THSD7B: variants seen among roughly 807,000 people sequenced by gnomAD.
THSD7B encodes the protein thrombospondin type 1 domain containing 7B.
In THSD7B, 138 loss-of-function variants were observed where a neutral mutation model predicts 213.6. The ratio of observed to expected loss-of-function variants is 0.65; its 90% CI spans 0.56 to 0.74. THSD7B has a LOEUF of 0.74. Among genes scored for constraint, THSD7B ranks in the 30% least tolerant of loss-of-function variants. THSD7B has a pLI of 0.00. For missense variants in THSD7B, 1,931 were observed against 1,991.5 expected (o/e 0.97, Z 0.58); for synonymous variants, 742 against 687.0 (o/e 1.08, Z -1.25).
intron 1 of THSD7B, among the ~76,000 whole-genome samples, chr2:136,844,462 C>CATAGAGAGAGAG (rs1682968400): frequency 7.0e-6 from 1 of 142,518 alleles, no homozygotes; most frequent in Non-Finnish European, 1.5e-5. Flanking sequence ...CCACCCAAAA[C>CATAGAGAGAGAG]AGAGAGAGAG....
At chr2:136,953,017 G>GA (rs979941437) in intron 2 of THSD7B, among the ~76,000 whole-genome samples, 1 of 151,950 alleles carries the variant, frequency 6.6e-6, no homozygotes, top group Non-Finnish European at 1.5e-5. Flanking sequence ...AATTTCTCAG[G>GA]AAAAAAATGA....
At chr2:137,466,560 C>A (rs556661867) in intron 15 of THSD7B, among the ~76,000 whole-genome samples, 1 of 152,134 alleles carries the variant, frequency 6.6e-6, no homozygotes, top group Non-Finnish European at 1.5e-5. Flanking sequence ...TGGCCCAAGA[C>A]AATTCTTCTT....
chr2:136,963,548 G>A (rs927604519), intron 2 of THSD7B, among the ~76,000 whole-genome samples: 3 of 152,184 alleles, frequency 2.0e-5, no homozygotes, highest in African/African-American at 7.2e-5. Context: ...GGAGGCTGAG[G>A]CAGGAGGATT....
chr2:137,203,995 C>G (rs1680931175), intron 7 of THSD7B, among the ~76,000 whole-genome samples: 2 of 151,912 alleles, frequency 1.3e-5, no homozygotes, highest in African/African-American at 4.8e-5. Context: ...GAAATATATC[C>G]ATAGACAATC....
chr2:137,539,194 A>G (rs1680561948), intron 15 of THSD7B, among the ~76,000 whole-genome samples: 1 of 151,744 alleles, frequency 6.6e-6, no homozygotes, highest in Non-Finnish European at 1.5e-5. Flanking sequence ...CTACTTGTGT[A>G]GTAGACTGGA....
chr2:136,815,178 ACT>A (rs1197256411), intron 1 of THSD7B, among the ~76,000 whole-genome samples: 12 of 152,124 alleles, frequency 7.9e-5, no homozygotes, highest in African/African-American at 2.4e-4. Context: ...GGGAAGTGTA[ACT>A]CTGTTGTTTT....
At chr2:137,173,072 C>T in intron 7 of THSD7B, among the ~76,000 whole-genome samples, 1 of 152,096 alleles carries the variant, frequency 6.6e-6, no homozygotes, top group Non-Finnish European at 1.5e-5. Context: ...TAAAACCTCC[C>T]TCTCACTCTT....
intron 3 of THSD7B, among the ~76,000 whole-genome samples, chr2:137,074,082 T>C (rs141312200): frequency 0.078 from 11,430 of 146,446 alleles, 652 homozygotes; most frequent in African/African-American, 0.15. Flanking sequence ...GTGGAGAGTT[T>C]TGTAAATGTC....
At chr2:137,673,907 G>A (rs763509533) in intron 27 of THSD7B, among the ~76,000 whole-genome samples, 4 of 152,192 alleles carry the variant, frequency 2.6e-5, no homozygotes, top group Admixed American at 6.5e-5. Context: ...CTTGATAAAT[G>A]AGGTCCTAAT....
chr2:136,971,297 G>C (rs953449171), intron 2 of THSD7B, among the ~76,000 whole-genome samples: 19 of 151,486 alleles, frequency 1.3e-4, no homozygotes, highest in Non-Finnish European at 2.4e-4. Context: ...ATGGTATTCT[G>C]AGTACAGCCC....
intron 1 of THSD7B, among the ~76,000 whole-genome samples, chr2:136,873,865 A>C (rs1356093644): frequency 6.6e-6 from 1 of 152,142 alleles, no homozygotes; most frequent in Non-Finnish European, 1.5e-5. Flanking sequence ...AAGGTCGTGC[A>C]CTGCCAGGGT....
chr2:137,165,033 AAAAAG>A (rs975347625), intron 6 of THSD7B, among the ~76,000 whole-genome samples: 1 of 152,200 alleles, frequency 6.6e-6, no homozygotes. Flanking sequence ...TATAATAAAA[AAAAAG>A]AAAGAGTGAA....
chr2:137,386,203 A>G (rs1685889577), intron 12 of THSD7B, among the ~76,000 whole-genome samples: 1 of 152,212 alleles, frequency 6.6e-6, no homozygotes, highest in Non-Finnish European at 1.5e-5. Context: ...TTCCTTCCAG[A>G]AAGGCTCCAC....
At chr2:136,875,142 C>G (rs1383834619) in intron 1 of THSD7B, among the ~76,000 whole-genome samples, 1 of 152,214 alleles carries the variant, frequency 6.6e-6, no homozygotes, top group Non-Finnish European at 1.5e-5. Flanking sequence ...CCATTCTGGG[C>G]TGGGCACAGT....
chr2:136,935,091 G>A (rs1684699173), intron 2 of THSD7B, among the ~76,000 whole-genome samples: 1 of 152,134 alleles, frequency 6.6e-6, no homozygotes, highest in Admixed American at 6.6e-5. Flanking sequence ...TGGATTCAAA[G>A]GCAATTAGAG....
intron 1 of THSD7B, among the ~76,000 whole-genome samples, chr2:136,840,359 A>T (rs973854633): frequency 6.6e-6 from 1 of 152,144 alleles, no homozygotes; most frequent in Non-Finnish European, 1.5e-5. Flanking sequence ...AGCCTGGGTG[A>T]CAAGAGCAAA....
chr2:137,398,873 G>A (rs1055287672), intron 12 of THSD7B, among the ~76,000 whole-genome samples: 26 of 152,298 alleles, frequency 1.7e-4, no homozygotes, highest in African/African-American at 5.8e-4. Context: ...TTGGTGCACC[G>A]TTTTTTAAGC....
At chr2:137,367,168 T>C (rs1214564971) in intron 12 of THSD7B, among the ~76,000 whole-genome samples, 1 of 152,156 alleles carries the variant, frequency 6.6e-6, no homozygotes, top group East Asian at 1.9e-4. Context: ...ACCAATGCAG[T>C]AGCTAACTAC....
intron 2 of THSD7B, among the ~76,000 whole-genome samples, chr2:136,977,801 G>GTTTTTTTTTTTTTTTTTTTTTT: frequency 9.4e-6 from 1 of 106,006 alleles, no homozygotes; most frequent in Non-Finnish European, 1.7e-5. Flanking sequence ...TCTTTTCTTT[G>GTTTTTTTTTTTTTTTTTTTTTT]TTTTTTTTTT....
Sources: gnomAD v4.1 joint callset for allele counts (sites outside exome capture counted in the v4.1 genomes callset) on GRCh38, gnomAD v4.1.1 for gene constraint, MANE v1.5 for transcripts, NCBI Gene and HGNC (gene_info 2026-07-23, HGNC 2026-07-21) for gene names.